ADCY10: variants seen among roughly 807,000 people sequenced by gnomAD.
ADCY10 encodes the protein adenylate cyclase type 10.
A neutral mutation model predicts 183.3 loss-of-function variants in ADCY10; 156 were observed. That is an observed-to-expected ratio of 0.85 (90% CI 0.75 to 0.97). ADCY10 has a LOEUF of 0.97. Ranked by LOEUF, ADCY10 falls within the 50% of genes least tolerant of loss-of-function variation. The pLI is 0.00. For missense variants in ADCY10, 1,745 were observed against 1,934.3 expected (o/e 0.90, Z 1.84); for synonymous variants, 645 against 670.0 (o/e 0.96, Z 0.58).
intron 16 of ADCY10, among the ~76,000 whole-genome samples, chr1:167,858,714 G>A (rs1438230088): frequency 2.6e-5 from 4 of 152,074 alleles, no homozygotes; most frequent in Non-Finnish European, 5.9e-5. Context: ...TGAAAGATGA[G>A]CACCATTTCT....
chr1:167,833,453 G>T (rs1045661410), intron 24 of ADCY10, among the ~76,000 whole-genome samples: 4 of 152,066 alleles, frequency 2.6e-5, no homozygotes, highest in African/African-American at 9.7e-5. Flanking sequence ...TTTCATAAAG[G>T]TGTCAACCTG....
chr1:167,882,252 A>C (rs1386778825), intron 9 of ADCY10, among the ~76,000 whole-genome samples: 1 of 152,202 alleles, frequency 6.6e-6, no homozygotes, highest in Non-Finnish European at 1.5e-5. Flanking sequence ...TGGGAGGCCG[A>C]GGCAGGTGGA....
At chr1:167,888,712 TAA>T (rs984266874) in intron 8 of ADCY10, among the ~76,000 whole-genome samples, 18 of 151,726 alleles carry the variant, frequency 1.2e-4, no homozygotes, top group African/African-American at 4.1e-4. Context: ...TCGTCTCTAT[TAA>T]AAACACAAAA....
At chr1:167,821,888 G>T in intron 30 of ADCY10, 136 bp downstream of exon 30, 1 of 727,240 alleles carries the variant, frequency 1.4e-6, no homozygotes, top group Non-Finnish European at 2.5e-6. Context: ...ATGTCTCTCT[G>T]TGTAAATATC....
At chr1:167,905,236 T>G in intron 1 of ADCY10, 38 bp from the exon 2 acceptor site, 4 of 1,364,800 alleles carry the variant, frequency 2.9e-6, no homozygotes, top group Non-Finnish European at 4.2e-6. Context: ...TCTGATATAT[T>G]CATTTGCTCA....
At chr1:167,844,760 T>G (rs143540195) in intron 21 of ADCY10, among the ~76,000 whole-genome samples, 8 of 152,258 alleles carry the variant, frequency 5.3e-5, no homozygotes, top group African/African-American at 1.4e-4. Context: ...TTTAGATACA[T>G]TTCTTCCTGA....
At chr1:167,886,416 T>C (rs1024081441) in intron 8 of ADCY10, among the ~76,000 whole-genome samples, 6 of 152,144 alleles carry the variant, frequency 3.9e-5, no homozygotes, top group Non-Finnish European at 5.9e-5. Flanking sequence ...CATCTGATCT[T>C]TGACAAACCT....
Position 167,846,278 on chromosome 1 carries a change from C to T in ADCY10, c.2438-15G>A. On this transcript the variant is annotated splice_polypyrimidine_tract_variant and intron_variant, in intron 19 of 32. Coordinates refer to ENST00000367851, the MANE Select transcript of ADCY10 (RefSeq NM_018417.6). ...CAGAGAGATTTCTGCAGGTAGAAGG[C>T]CACACAGTAGAAAACTAGTTATTTA... 1.2e-6 allele frequency: 2 copies of T among 1,613,902 alleles called. No homozygotes were observed. The highest frequency in any genetic ancestry group is 1.7e-6 in the Non-Finnish European group (2 of 1,179,844).
intron 8 of ADCY10, among the ~76,000 whole-genome samples, chr1:167,891,142 A>G (rs757799475): frequency 4.6e-5 from 7 of 151,890 alleles, no homozygotes; most frequent in African/African-American, 1.4e-4. Flanking sequence ...TTGTATTTTT[A>G]GTAGAGACAA....
intron 26 of ADCY10, among the ~76,000 whole-genome samples, chr1:167,828,686 G>A (rs2863272): frequency 0.24 from 35,915 of 152,154 alleles, 4,938 homozygotes; most frequent in Non-Finnish European, 0.3. Flanking sequence ...TTTAGGCCAG[G>A]TGCAGTGCCT....
intron 8 of ADCY10, among the ~76,000 whole-genome samples, chr1:167,885,923 C>A (rs971385754): frequency 6.6e-6 from 1 of 151,900 alleles, no homozygotes; most frequent in Non-Finnish European, 1.5e-5. Context: ...CTTATTCAGA[C>A]CTTTTACCCA....
intron 8 of ADCY10, among the ~76,000 whole-genome samples, chr1:167,887,874 A>C (rs1385071906): frequency 6.6e-6 from 1 of 151,458 alleles, no homozygotes; most frequent in Admixed American, 6.6e-5. Flanking sequence ...TGCCCACTCC[A>C]ATGTCCTTGA....
intron 10 of ADCY10, 26 bp downstream of exon 10, chr1:167,880,465 T>G: frequency 3.2e-6 from 5 of 1,542,698 alleles, no homozygotes; most frequent in Non-Finnish European, 4.5e-6. Flanking sequence ...CAGGGACCGC[T>G]GGGTGGGACC....
chr1:167,863,162 A>G (rs574426357), intron 14 of ADCY10, among the ~76,000 whole-genome samples: 78 of 152,330 alleles, frequency 5.1e-4, no homozygotes, highest in African/African-American at 1.7e-3. Flanking sequence ...TTAAAGGCAG[A>G]TAGCCCGGCG....
Position 167,809,579 on chromosome 1 carries a change from G to A in ADCY10, c.*99C>T. The A allele has an allele frequency of 7.8e-7, 1 of 1,281,758 alleles. No homozygotes were observed. Among genetic ancestry groups the A allele is most frequent in the Non-Finnish European group, 1.1e-6 (1 of 882,358 alleles). 79.4% of individuals were successfully genotyped at this position (1,281,758 alleles called of 1,614,324 possible). A position where few individuals can be genotyped will look rare whatever the true frequency, so the allele number is the denominator to read the frequency against. On this transcript the variant is annotated 3_prime_UTR_variant, in exon 33 of 33. Transcript: ENST00000367851. ...CTGTTTCTGTGTCTGGAACAGAAGA[G>A]ATTATGTAGGAACCTGGAGTGGGCC...
At chr1:167,866,902 C>T (rs1416067363) in intron 14 of ADCY10, among the ~76,000 whole-genome samples, 1 of 152,104 alleles carries the variant, frequency 6.6e-6, no homozygotes, top group Non-Finnish European at 1.5e-5. Flanking sequence ...ATCTAAGGGC[C>T]CTGGCAGCAA....
intron 14 of ADCY10, 119 bp downstream of exon 14, chr1:167,870,138 C>A: frequency 8.9e-7 from 1 of 1,124,124 alleles, no homozygotes. Flanking sequence ...AGGGTCATGG[C>A]ATCCAATAAT....
chr1:167,838,372 C>T (rs1664378266), intron 21 of ADCY10, among the ~76,000 whole-genome samples: 1 of 152,168 alleles, frequency 6.6e-6, no homozygotes, highest in African/African-American at 2.4e-5. Context: ...TCTAAAACTG[C>T]TGTTGTTAAA....
At chr1:167,858,800 G>A (rs2102037416) in intron 16 of ADCY10, among the ~76,000 whole-genome samples, 1 of 152,286 alleles carries the variant, frequency 6.6e-6, no homozygotes, top group South Asian at 2.1e-4. Context: ...GTATGGGTTG[G>A]TGTGATTTGC....
Sources: gnomAD v4.1 joint callset for allele counts (sites outside exome capture counted in the v4.1 genomes callset) on GRCh38, gnomAD v4.1.1 for gene constraint, MANE v1.5 for transcripts, NCBI Gene and HGNC (gene_info 2026-07-23, HGNC 2026-07-21) for gene names.